DAB1: variants seen among roughly 807,000 people sequenced by gnomAD.
The protein encoded by DAB1 is disabled homolog 1.
A neutral mutation model predicts 64.6 loss-of-function variants in DAB1; 15 were observed. The observed-to-expected ratio is 0.23, with a 90% CI of 0.16 to 0.36. DAB1 has a LOEUF of 0.36. Among genes scored for constraint, DAB1 ranks in the 10% least tolerant of loss-of-function variants. The pLI is 1.00. For synonymous variants in DAB1, 235 were observed against 251.9 expected (o/e 0.93, Z 0.64); for missense variants, 596 against 706.7 (o/e 0.84, Z 1.78).
At chr1:57,416,864 A>T (rs917070983) in intron 1 of DAB1, among the ~76,000 whole-genome samples, 2 of 152,182 alleles carry the variant, frequency 1.3e-5, no homozygotes, top group Admixed American at 6.5e-5. Context: ...GTAGTTCATA[A>T]ATGTCCTTTA....
chr1:58,386,719 T>C (rs1446943169), intron 3 of DAB1, among the ~76,000 whole-genome samples: 2 of 152,190 alleles, frequency 1.3e-5, no homozygotes, highest in Non-Finnish European at 2.9e-5. Flanking sequence ...ATACCCTACC[T>C]CTTTTAGAAG....
At chr1:58,393,821 T>A (rs946958639) in intron 3 of DAB1, among the ~76,000 whole-genome samples, 13 of 152,340 alleles carry the variant, frequency 8.5e-5, no homozygotes, top group African/African-American at 3.1e-4. Context: ...GAATAGTGAC[T>A]ATAATAAATA....
chr1:58,054,539 A>C (rs896468770), intron 5 of DAB1, among the ~76,000 whole-genome samples: 2 of 152,220 alleles, frequency 1.3e-5, no homozygotes, highest in African/African-American at 4.8e-5. Context: ...CAATGAACGA[A>C]GGGCTGTCTG....
At chr1:58,310,532 C>T (rs1039931943) in intron 4 of DAB1, among the ~76,000 whole-genome samples, 4 of 152,070 alleles carry the variant, frequency 2.6e-5, no homozygotes, top group Non-Finnish European at 4.4e-5. Flanking sequence ...TTCAACAATG[C>T]CTTTGCCTGT....
intron 7 of DAB1, among the ~76,000 whole-genome samples, chr1:57,441,367 T>C (rs10465837): frequency 0.027 from 4,088 of 150,592 alleles, 218 homozygotes; most frequent in African/African-American, 0.094. Flanking sequence ...TTCTTCTTTC[T>C]TTTTTTTTGA....
intron 5 of DAB1, among the ~76,000 whole-genome samples, chr1:58,126,615 C>T (rs821533): frequency 1.3e-5 from 2 of 148,960 alleles, no homozygotes; most frequent in South Asian, 2.2e-4. Flanking sequence ...CCCTACCCCC[C>T]ACCCCACAAC....
chr1:57,491,460 A>T (rs1197369520), intron 7 of DAB1, among the ~76,000 whole-genome samples: 4 of 152,146 alleles, frequency 2.6e-5, no homozygotes, highest in Admixed American at 1.3e-4. Context: ...AGATTAAATT[A>T]AAAAAAGGAT....
At chr1:57,800,779 T>G (rs1024200728) in intron 6 of DAB1, among the ~76,000 whole-genome samples, 3 of 152,214 alleles carry the variant, frequency 2.0e-5, no homozygotes, top group African/African-American at 7.2e-5. Flanking sequence ...ATTTGGCTCT[T>G]TCCCTGCTGC....
chr1:58,144,276 A>T (rs1448544767), intron 5 of DAB1, among the ~76,000 whole-genome samples: 1 of 152,240 alleles, frequency 6.6e-6, no homozygotes, highest in Non-Finnish European at 1.5e-5. Context: ...GCATGTTATT[A>T]AGGGAGATAA....
chr1:57,870,963 G>A (rs1243936397), intron 1 of DAB1, among the ~76,000 whole-genome samples: 5 of 152,158 alleles, frequency 3.3e-5, no homozygotes, highest in South Asian at 2.1e-4. Flanking sequence ...TTTGAAAAGC[G>A]TTTAGTATAG....
intron 5 of DAB1, among the ~76,000 whole-genome samples, chr1:58,140,505 T>C (rs1450653192): frequency 6.6e-6 from 1 of 152,178 alleles, no homozygotes; most frequent in Non-Finnish European, 1.5e-5. Flanking sequence ...CCTTTGCTCA[T>C]AATCTTCCCT....
In DAB1 at chr1:57,491,873, T is replaced by C. The variant is rs180873724; in HGVS notation, n.625+157719A>G. ...GAAGACTTTCTAGATAGGTGGGTCA[T>C]GAACTAGAACTTGAAAGTCAAGTGA... is the stretch of plus-strand genomic sequence containing the variant. On this transcript the variant is annotated intron_variant and non_coding_transcript_variant, in intron 7 of 20. Coordinates refer to the DAB1 transcript ENST00000485760. 8.5e-5 allele frequency among the ~76,000 whole-genome samples: 13 copies of C among 152,286 alleles called. No homozygotes were observed. The East Asian group carries it at 2.5e-3, about 29-fold the overall frequency.
At chr1:58,499,477 T>TATAGATAGATAAATAGATAG (rs1645863694) in intron 3 of DAB1, among the ~76,000 whole-genome samples, 6 of 143,768 alleles carry the variant, frequency 4.2e-5, no homozygotes, top group African/African-American at 1.6e-4. Context: ...AAAGCCAGAC[T>TATAGATAGATAAATAGATAG]ATAGATAGAT....
At chr1:57,659,892 G>A (rs889389393) in intron 6 of DAB1, among the ~76,000 whole-genome samples, 22 of 151,904 alleles carry the variant, frequency 1.4e-4, no homozygotes, top group African/African-American at 5.3e-4. Flanking sequence ...CACAATAATC[G>A]CTTGAATCTG....
At chr1:57,142,702 C>T (rs1658732953) in intron 3 of DAB1, among the ~76,000 whole-genome samples, 1 of 151,872 alleles carries the variant, frequency 6.6e-6, no homozygotes, top group South Asian at 2.1e-4. Flanking sequence ...AATGTTAATC[C>T]TGAGCGAGAA....
rs188612823 is a variant in DAB1, at chr1:57,772,997, T to C, written n.551+111002A>G. Among the ~76,000 whole-genome samples the C allele has an allele frequency of 3.9e-5, 6 of 151,976 alleles. No homozygotes were observed. In the East Asian group the frequency reaches 9.7e-4, roughly 25 times the overall value. The stretch of plus-strand genomic sequence containing the variant: ...TACCATGTGTAAATGAATGCAGAAA[T>C]TGGAATAATGTATGTATAAACCCAG... On this transcript the variant is annotated intron_variant and non_coding_transcript_variant, in intron 6 of 20. Coordinates refer to the DAB1 transcript ENST00000485760.
At chr1:57,533,691 T>C (rs1209242668) in intron 7 of DAB1, among the ~76,000 whole-genome samples, 1 of 150,912 alleles carries the variant, frequency 6.6e-6, no homozygotes, top group South Asian at 2.1e-4. Context: ...AAAAAATGCA[T>C]GTATGACTTT....
chr1:58,473,900 G>A (rs1444546414), intron 3 of DAB1: 3 of 974,814 alleles, frequency 3.1e-6, no homozygotes, highest in African/African-American at 1.7e-5. Context: ...CTGTGTTCTG[G>A]ATGAAGCTGT....
intron 4 of DAB1, among the ~76,000 whole-genome samples, chr1:57,112,467 A>AAATT (rs1304620769): frequency 6.6e-6 from 1 of 152,166 alleles, no homozygotes; most frequent in Non-Finnish European, 1.5e-5. Flanking sequence ...TCTACGTGAG[A>AAATT]AATTCATCTG....
Sources: gnomAD v4.1 joint callset for allele counts (sites outside exome capture counted in the v4.1 genomes callset) on GRCh38, gnomAD v4.1.1 for gene constraint, MANE v1.5 for transcripts, NCBI Gene and HGNC (gene_info 2026-07-23, HGNC 2026-07-21) for gene names.